Variants in SPTY2D1 observed in about 807,000 individuals in gnomAD.
SPTY2D1 encodes SPT2 chromatin protein domain containing 1, also known as protein SPT2 homolog.
Under a neutral mutation model 64.0 loss-of-function variants are expected in SPTY2D1, and 21 were observed. The ratio of observed to expected loss-of-function variants is 0.33; its 90% confidence interval spans 0.23 to 0.47. SPTY2D1 has a LOEUF of 0.47. Among genes scored for constraint, SPTY2D1 ranks in the 20% least tolerant of loss-of-function variants. SPTY2D1 has a pLI of 1.00. For missense variants in SPTY2D1, 724 were observed against 837.2 expected, an observed-to-expected ratio of 0.86 and a Z score of 1.67; for synonymous variants, 287 against 286.8, an observed-to-expected ratio of 1.00 and a Z score of -0.01.
At chr11:18,626,742 C>T (rs1225920330) in intron 1 of SPTY2D1, among the ~76,000 whole-genome samples, 1 of 152,140 alleles carries the variant, frequency 6.6e-6, no homozygotes, top group Non-Finnish European at 1.5e-5. Flanking sequence ...TAGAACAGTG[C>T]CTGGCACAGA....
intron 5 of SPTY2D1, among the ~76,000 whole-genome samples, chr11:18,610,667 TAA>T (rs58363516): frequency 1.7e-4 from 16 of 96,712 alleles, no homozygotes; most frequent in African/African-American, 5.6e-4. Context: ...CCCTGTCTCT[TAA>T]AAAAAAAAAA....
rs139815241 is a variant in SPTY2D1, at chr11:18,607,404, ATT to A, written c.*2455_*2456del. ...ATGAAAACTACTTTCCTTTCACATC[ATT>A]TGTTAGAGAATGCCACACCCATGAT... is the stretch of plus-strand genomic sequence containing the variant. On this transcript the variant is annotated 3_prime_UTR_variant, in exon 6 of 6. Transcript: ENST00000336349. 1,010 of 152,758 alleles carry A rather than the reference ATT, an allele frequency of 6.6e-3. 27 individuals are homozygous for A. Among genetic ancestry groups the A allele is most frequent in the East Asian group, 0.035 (181 of 5,184 alleles). The allele number at this position is 152,758 out of a possible 1,614,324, so 9.5% of individuals were successfully genotyped here.
At chr11:18,626,495 T>G (rs1351079154) in intron 1 of SPTY2D1, among the ~76,000 whole-genome samples, 4 of 151,860 alleles carry the variant, frequency 2.6e-5, no homozygotes, top group African/African-American at 9.7e-5. Flanking sequence ...GGGTTCAAGC[T>G]GTGTAGGTAA....
chr11:18,610,979 A>G (rs927559184), intron 5 of SPTY2D1, among the ~76,000 whole-genome samples: 5 of 152,208 alleles, frequency 3.3e-5, no homozygotes, highest in Non-Finnish European at 7.3e-5. Context: ...TTAAATGAGT[A>G]AAACAGTATA....
rs776637522 is a variant in SPTY2D1, at chr11:18,616,080, C to T, written c.194G>A (p.Arg65Lys). Residue 65 changes from arginine to lysine, a missense_variant, in exon 3 of 6, where the codon AGA becomes AAA. Physicochemically the swap from Arg to Lys is conservative, Grantham distance 26. Coordinates refer to ENST00000336349, the MANE Select transcript of SPTY2D1 (RefSeq NM_194285.3). ...LRRKALEEKRRKEELVKKRIE... is the reference protein window; with the variant it reads ...LRRKALEEKRKKEELVKKRIE... ...TCGCTTTTTCACTAGTTCCTCTTTT[C>T]TCCTTTTCTCCTCTAAGGCTAAAAG... The T allele has an allele frequency of 3.1e-6, 5 of 1,608,042 alleles. No homozygotes were observed. The Admixed American group carries it at 8.5e-5, about 27-fold the overall frequency.
At chr11:18,613,947 G>T (rs1854246172) in intron 3 of SPTY2D1, among the ~76,000 whole-genome samples, 1 of 152,138 alleles carries the variant, frequency 6.6e-6, no homozygotes, top group Non-Finnish European at 1.5e-5. Context: ...TTGAAGACAG[G>T]TCTCTTTAGT....
chr11:18,629,765 T>C (rs910608494), intron 1 of SPTY2D1, among the ~76,000 whole-genome samples: 1 of 152,216 alleles, frequency 6.6e-6, no homozygotes, highest in Admixed American at 6.5e-5. Context: ...CTGGGCCTGA[T>C]GCAATCCTAC....
rs1229661780 is a variant in SPTY2D1 at position 18,606,796 on chromosome 11, C to T, written c.*3065G>A. On this transcript the variant is annotated 3_prime_UTR_variant, in exon 6 of 6. Coordinates refer to ENST00000336349, the MANE Select transcript of SPTY2D1 (RefSeq NM_194285.3). ...ATAGCTGCTTTTAAGTTACAAAATA[C>T]AAAACAACAATTTATTTCTTGGAGA... 6 of 383,588 alleles carry T rather than the reference C, an allele frequency of 1.6e-5. No individual in the cohort carries two copies. The highest frequency in any genetic ancestry group is 3.5e-4 in the Middle Eastern group (1 of 2,844). The allele number at this position is 383,588 out of a possible 1,614,324, so 23.8% of individuals were successfully genotyped here. A position where few individuals can be genotyped will look rare whatever the true frequency, so the allele number is the denominator to read the frequency against.
chr11:18,623,629 G>A (rs1854451881), intron 1 of SPTY2D1, among the ~76,000 whole-genome samples: 1 of 152,134 alleles, frequency 6.6e-6, no homozygotes, highest in Non-Finnish European at 1.5e-5. Flanking sequence ...GCCAATGAAG[G>A]CATAAGAGCA....
At chr11:18,634,147 C>T (rs1213158108) in intron 1 of SPTY2D1, 51 bp downstream of exon 1, 2 of 1,607,038 alleles carry the variant, frequency 1.2e-6, no homozygotes, top group African/African-American at 1.3e-5. Flanking sequence ...ACACACATTC[C>T]GAACTTGGAA....
chr11:18,614,762 C>T lies in SPTY2D1; in HGVS notation c.1512G>A (p.Arg504=), dbSNP rs1854262300. The T allele has an allele frequency of 1.2e-6, 2 of 1,613,018 alleles. No individual in the cohort carries two copies. Among genetic ancestry groups the T allele is most frequent in the African/African-American group, 1.3e-5 (1 of 74,928 alleles). ...TTCCTGGGACTGAATTACTGACAGT[C>T]CGTCCAGCTGGAATTGAGCCACTTA... ...RSISGSIPAG[R]TVSNSVPGRP... Residue 504 remains arginine (R), a synonymous_variant, in exon 3 of 6, where the codon CGG becomes CGA. Transcript: ENST00000336349.
Position 18,616,154 on chromosome 11 carries a change from T to C in SPTY2D1, c.176-56A>G. On this transcript the variant is annotated intron_variant, in intron 2 of 5. Transcript: ENST00000336349. ...ACTTCGAGATCTCAAGATTGCAGTA[T>C]GCTCAAGTGAAAACACAACGTTCAG... The C allele has an allele frequency of 3.4e-6, 5 of 1,467,018 alleles. No individual in the cohort carries two copies. In the South Asian group the frequency reaches 6.8e-5, roughly 20 times the overall value. The allele number at this position is 1,467,018 out of a possible 1,614,324, so 90.9% of individuals were successfully genotyped here. A position where few individuals can be genotyped will look rare whatever the true frequency, so the allele number is the denominator to read the frequency against.
chr11:18,612,491 A>G lies in SPTY2D1; in HGVS notation c.1712-3T>C, dbSNP rs767815749. ...AGGGAAGGGAAGCCTTTGAGGACCT[A>G]AGAAACCATTATTTATAAGAATATT... On this transcript the variant is annotated splice_region_variant and splice_polypyrimidine_tract_variant and intron_variant, in intron 3 of 5. Coordinates refer to ENST00000336349, the MANE Select transcript of SPTY2D1 (RefSeq NM_194285.3). The surrounding 1 kb of genome is among the most constrained non-coding windows in gnomAD (Gnocchi z 4.6). 21 of 1,581,132 alleles carry G rather than the reference A, an allele frequency of 1.3e-5. No homozygotes were observed. Among genetic ancestry groups the G allele is most frequent in the Non-Finnish European group, 1.7e-5 (20 of 1,168,820 alleles).
At position 18,634,316 on chromosome 11, in the gene SPTY2D1, A is replaced by T. The variant is rs1483822398; in HGVS notation, c.-59T>A. On this transcript the variant is annotated 5_prime_UTR_variant, in exon 1 of 6. Transcript: ENST00000336349. The stretch of plus-strand genomic sequence containing the variant: ...CTCGGAAAGGACTGACAGCGCACCT[A>T]ACCGAGGCGCCCAGCTACAGCCAAC... The T allele has an allele frequency of 1.9e-6, 3 of 1,585,384 alleles. No homozygotes were observed. Among genetic ancestry groups the T allele is most frequent in the Non-Finnish European group, 2.6e-6 (3 of 1,155,964 alleles).
chr11:18,616,792 TTA>T lies in SPTY2D1; in HGVS notation c.175+81_175+82del, dbSNP rs1854306875. ...CCAAATCTGTTGGCCTGTTATGTTT[TTA>T]TAGACAGCCACTGGTTTAGTACAAG... On this transcript the variant is annotated intron_variant, in intron 2 of 5. Transcript: ENST00000336349. 3.0e-6 allele frequency: 4 copies of T among 1,347,910 alleles called. No homozygotes were observed. In the South Asian group the frequency reaches 5.1e-5, roughly 17 times the overall value. 83.5% of individuals were successfully genotyped at this position (1,347,910 alleles called of 1,614,324 possible).
At chr11:18,631,460 G>A in intron 1 of SPTY2D1, among the ~76,000 whole-genome samples, 1 of 152,018 alleles carries the variant, frequency 6.6e-6, no homozygotes, top group East Asian at 1.9e-4. Flanking sequence ...AGGAGGCTGA[G>A]GCAGGAGAAT....
In SPTY2D1 at chr11:18,616,901, C is replaced by T. The variant is rs1175426703; in HGVS notation, c.149G>A (p.Arg50Lys). Residue 50 changes from arginine to lysine, a missense_variant, in exon 2 of 6, where the codon AGG becomes AAG. Coordinates refer to ENST00000336349, the MANE Select transcript of SPTY2D1 (RefSeq NM_194285.3). Reference protein sequence around the residue: ...QSAAVQAFLKRKEEELRRKAL... With the variant: ...QSAAVQAFLKKKEEELRRKAL... ...TTTTCGTCTCAGCTCCTCTTCTTTC[C>T]TTTTAAGAAAAGCTTGTACAGCTGC... The T allele has an allele frequency of 1.2e-6, 2 of 1,614,080 alleles. No homozygotes were observed. Among genetic ancestry groups the T allele is most frequent in the Admixed American group, 1.7e-5 (1 of 59,996 alleles).
intron 1 of SPTY2D1, among the ~76,000 whole-genome samples, chr11:18,627,465 G>A (rs1854516246): frequency 6.8e-6 from 1 of 146,476 alleles, no homozygotes; most frequent in African/African-American, 2.5e-5. Context: ...ACCCTTCACC[G>A]GGCGTGGTGG....
chr11:18,612,556 A>C lies in SPTY2D1; in HGVS notation c.1712-68T>G. ...TTCCAATGCAGTTCTATGTAAACTG[A>C]AATTGTGAGTCATCATTAAGATGGT... is the stretch of plus-strand genomic sequence containing the variant. On this transcript the variant is annotated intron_variant, in intron 3 of 5. Coordinates refer to ENST00000336349, the MANE Select transcript of SPTY2D1 (RefSeq NM_194285.3). This position sits in a 1 kb window ranked among gnomAD's most constrained non-coding sequence, Gnocchi z 4.6. 1 of 1,357,614 alleles carries C rather than the reference A, an allele frequency of 7.4e-7. No individual in the cohort carries two copies. Among genetic ancestry groups the C allele is most frequent in the Non-Finnish European group, 9.8e-7 (1 of 1,016,918 alleles). 84.1% of individuals were successfully genotyped at this position (1,357,614 alleles called of 1,614,324 possible).
Sources: gnomAD v4.1 joint callset for allele counts (sites outside exome capture counted in the v4.1 genomes callset) on GRCh38, gnomAD v4.1.1 for gene constraint, Gnocchi (gnomAD v3.1) non-coding constraint, MANE v1.5 for transcripts, NCBI Gene and HGNC (gene_info 2026-07-23, HGNC 2026-07-21) for gene names.